The following CHRDL1 variants were observed in gnomAD, a reference collection of about 807,000 sequenced individuals.
CHRDL1 encodes chordin like 1.
In CHRDL1, 19 loss-of-function variants were observed where a neutral mutation model predicts 40.9. The ratio of observed to expected loss-of-function variants is 0.46; its 90% confidence interval spans 0.32 to 0.68. The LOEUF (loss-of-function observed/expected upper bound fraction) is 0.68, where lower values mean the gene tolerates loss of function less well. CHRDL1 is among the 30% of genes least tolerant of loss of function. The pLI, the probability that CHRDL1 is intolerant of heterozygous loss-of-function variation, is 0.03. For missense variants in CHRDL1, 329 were observed against 352.1 expected, an observed-to-expected ratio of 0.93 and a Z score of 0.53; for synonymous variants, 136 against 123.4, an observed-to-expected ratio of 1.10 and a Z score of -0.68.
intron 6 of CHRDL1, among the ~76,000 whole-genome samples, chrX:110,710,733 T>C (rs1334411230): frequency 1.8e-5 from 2 of 111,879 alleles, no homozygotes; most frequent in African/African-American, 6.5e-5. Context: ...ATCTGGAACA[T>C]TTCCATGGAA....
chrX:110,712,800 G>A (rs1283335456), intron 6 of CHRDL1, among the ~76,000 whole-genome samples: 2 of 111,642 alleles, frequency 1.8e-5, no homozygotes, highest in Non-Finnish European at 3.8e-5. Context: ...GTTTGAGGCT[G>A]CAGTGAGCTA....
intron 4 of CHRDL1, among the ~76,000 whole-genome samples, chrX:110,755,743 A>T (rs776009538): frequency 9.0e-6 from 1 of 111,681 alleles, no homozygotes; most frequent in East Asian, 2.8e-4. Flanking sequence ...AGTGCCTTCC[A>T]TTGGGTTAAG....
chrX:110,686,904 A>AAAC (rs1218687415), intron 9 of CHRDL1, among the ~76,000 whole-genome samples: 1 of 107,256 alleles, frequency 9.3e-6, no homozygotes, highest in Non-Finnish European at 1.9e-5. Flanking sequence ...AAAATAAAAA[A>AAAC]AAAAATAAAA....
At chrX:110,689,189 G>T (rs1481990928) in intron 8 of CHRDL1, among the ~76,000 whole-genome samples, 2 of 96,463 alleles carry the variant, frequency 2.1e-5, no homozygotes, top group Non-Finnish European at 4.1e-5. Context: ...GACTTCCCGG[G>T]CTCAGGCAAT....
chrX:110,785,697 T>G, intron 2 of CHRDL1, among the ~76,000 whole-genome samples: 1 of 112,220 alleles, frequency 8.9e-6, no homozygotes, highest in Non-Finnish European at 1.9e-5. Flanking sequence ...ACTATGGTTA[T>G]CCATACACGT....
chrX:110,751,780 C>A (rs1569478763), intron 4 of CHRDL1, among the ~76,000 whole-genome samples: 3 of 110,870 alleles, frequency 2.7e-5, no homozygotes. Flanking sequence ...GGTATATATC[C>A]AAAAAAAGGG....
chrX:110,767,367 AG>A (rs1363616160), intron 2 of CHRDL1, among the ~76,000 whole-genome samples: 1 of 110,855 alleles, frequency 9.0e-6, no homozygotes, highest in African/African-American at 3.3e-5. Context: ...AAAGAAATAA[AG>A]GCCATCCAGA....
intron 4 of CHRDL1, among the ~76,000 whole-genome samples, chrX:110,744,992 CACAT>C (rs747091832): frequency 1.1e-3 from 101 of 95,400 alleles, no homozygotes; most frequent in Admixed American, 2.4e-3. Flanking sequence ...CACACACACA[CACAT>C]ACATACCACA....
intron 4 of CHRDL1, among the ~76,000 whole-genome samples, chrX:110,730,261 A>G (rs1235070996): frequency 8.9e-6 from 1 of 111,955 alleles, no homozygotes; most frequent in Non-Finnish European, 1.9e-5. Flanking sequence ...GTCAGATCCC[A>G]AGTGGTAACT....
intron 4 of CHRDL1, among the ~76,000 whole-genome samples, chrX:110,747,774 T>G (rs1235400817): frequency 8.9e-6 from 1 of 112,548 alleles, no homozygotes; most frequent in African/African-American, 3.2e-5. Flanking sequence ...CTCACCACCA[T>G]GCTGACTATT....
At chrX:110,770,142 T>C (rs1028912145) in intron 2 of CHRDL1, among the ~76,000 whole-genome samples, 4 of 112,476 alleles carry the variant, frequency 3.6e-5, no homozygotes, top group African/African-American at 1.3e-4. Context: ...ACTCAAACCC[T>C]GATAACCTTT....
Position 110,674,452 on chromosome X carries a change from C to A in CHRDL1, c.*1779G>T, listed in dbSNP as rs2069730937. 1 of 88,493 alleles carries A rather than the reference C, an allele frequency of 1.1e-5. No individual in the cohort carries two copies. The highest frequency in any genetic ancestry group is 4.4e-5 in the African/African-American group (1 of 22,860). The allele number at this position is 88,493 out of a possible 1,213,427, so 7.3% of individuals were successfully genotyped here. A position where few individuals can be genotyped will look rare whatever the true frequency, so the allele number is the denominator to read the frequency against. ...GAGCAGCCGCATAACACCTTCCCCC[C>A]TTTACCACACACACACACACACACA... On this transcript the variant is annotated 3_prime_UTR_variant, in exon 12 of 12. Transcript: ENST00000372042.
At chrX:110,745,755 A>G (rs2089235241) in intron 4 of CHRDL1, among the ~76,000 whole-genome samples, 1 of 111,766 alleles carries the variant, frequency 8.9e-6, no homozygotes, top group African/African-American at 3.3e-5. Flanking sequence ...GAACTCTGAA[A>G]CCTCAGCACC....
intron 6 of CHRDL1, among the ~76,000 whole-genome samples, chrX:110,715,091 G>C (rs951009291): frequency 1.8e-5 from 2 of 111,694 alleles, no homozygotes; most frequent in African/African-American, 6.5e-5. Context: ...TGTGCATTTA[G>C]GCTGGATGAG....
chrX:110,762,802 CT>C lies in CHRDL1; in HGVS notation c.99del (p.Glu34ArgfsTer30). 9.2e-7 allele frequency: 1 copy of C among 1,086,198 alleles called. No individual in the cohort carries two copies. The highest frequency in any genetic ancestry group is 1.3e-6 in the Non-Finnish European group (1 of 783,751). The allele number at this position is 1,086,198 out of a possible 1,213,427, so 89.5% of individuals were successfully genotyped here. A position where few individuals can be genotyped will look rare whatever the true frequency, so the allele number is the denominator to read the frequency against. On this transcript the variant is annotated frameshift_variant, in exon 3 of 12. Coordinates refer to ENST00000372042, the MANE Select transcript of CHRDL1 (RefSeq NM_001143981.2). LOFTEE classifies it high-confidence loss of function. ...EGGKTEQVKHSETYCMFQDKK... is the reference protein window; with the variant it reads ...EGGKTEQVKHXETYCMFQDKK... ...TTGTCTTGAAACATGCAATATGTCT[CT>C]GAATCTGTGAAGAAGGAGATGGAGA... is the stretch of plus-strand genomic sequence containing the variant.
At chrX:110,678,389 C>G (rs1295055531) in intron 11 of CHRDL1, among the ~76,000 whole-genome samples, 1 of 111,521 alleles carries the variant, frequency 9.0e-6, no homozygotes, top group Non-Finnish European at 1.9e-5. Flanking sequence ...TGACTACTTT[C>G]TACCTCCAAA....
chrX:110,746,767 G>A (rs1428900620), intron 4 of CHRDL1, among the ~76,000 whole-genome samples: 1 of 111,113 alleles, frequency 9.0e-6, no homozygotes, highest in Non-Finnish European at 1.9e-5. Flanking sequence ...CCCATATTGA[G>A]ATATGCCCAG....
chrX:110,689,721 ATATATATCTATATATCTATATATATC>A (rs1569462135), intron 8 of CHRDL1, among the ~76,000 whole-genome samples: 4 of 34,962 alleles, frequency 1.1e-4, no homozygotes, highest in South Asian at 9.2e-4. Flanking sequence ...ATATATATCT[ATATATATCTATATATCTATATATATC>A]TATATATCTA....
intron 6 of CHRDL1, among the ~76,000 whole-genome samples, chrX:110,715,684 C>T (rs757018718): frequency 8.9e-6 from 1 of 112,287 alleles, no homozygotes; most frequent in Admixed American, 9.5e-5. Flanking sequence ...TGTCTTTTCA[C>T]TGTTGCCTTT....
Sources: gnomAD v4.1 joint callset for allele counts (sites outside exome capture counted in the v4.1 genomes callset) on GRCh38, gnomAD v4.1.1 for gene constraint, MANE v1.5 for transcripts, NCBI Gene and HGNC (gene_info 2026-07-23, HGNC 2026-07-21) for gene names.